NEURL1: variants seen among roughly 807,000 people sequenced by gnomAD.
NEURL1 encodes the protein E3 ubiquitin-protein ligase NEURL1.
NEURL1 carries 26 observed loss-of-function variants against 41.2 expected under a neutral mutation model. The ratio of observed to expected loss-of-function variants is 0.63; its 90% CI spans 0.46 to 0.87. NEURL1 has a LOEUF of 0.87. Ranked by LOEUF, NEURL1 falls within the 40% of genes least tolerant of loss-of-function variation. The probability of loss-of-function intolerance (pLI) is 0.00; values close to 1 mark genes in which losing one functional copy is unlikely to be tolerated. For missense variants in NEURL1, 761 were observed against 871.1 expected, an observed-to-expected ratio of 0.87 and a Z score of 1.59; for synonymous variants, 400 against 402.3, an observed-to-expected ratio of 0.99 and a Z score of 0.07.
intron 1 of NEURL1, among the ~76,000 whole-genome samples, chr10:103,554,375 G>A (rs1316019387): frequency 6.6e-6 from 1 of 152,246 alleles, no homozygotes; most frequent in African/African-American, 2.4e-5. Flanking sequence ...TGCGCTCAGT[G>A]GTGAATGCTC....
chr10:103,570,910 T>C lies in NEURL1; in HGVS notation c.124T>C (p.Cys42Arg). The C allele has an allele frequency of 1.2e-6, 2 of 1,613,766 alleles. No individual in the cohort carries two copies. The highest frequency in any genetic ancestry group is 8.5e-7 in the Non-Finnish European group (1 of 1,179,958). ...GGPFPVTSHR[C>R]HHKQKHCPAV... Reference sequence around the variant, plus strand: ...CCCCTTCCCCGTCACTTCTCACCGATGCCACCACAAGCAGAAGCACTGTCC... The same window carrying C: ...CCCCTTCCCCGTCACTTCTCACCGACGCCACCACAAGCAGAAGCACTGTCC... The change falls in exon 2 of 6, where the codon TGC (cysteine) becomes CGC (arginine). Residue 42 changes from cysteine (C) to arginine (R), a missense_variant. By Grantham distance (180) the Cys-to-Arg change is radical (BLOSUM62 -3). Around this residue, in one of 5 missense-constraint regions of NEURL1, gnomAD observed 94 missense variants for 96.6 expected, o/e 0.97. Coordinates refer to ENST00000369780, the MANE Select transcript of NEURL1 (RefSeq NM_004210.5).
chr10:103,500,062 C>T (rs2033787008), intron 1 of NEURL1, among the ~76,000 whole-genome samples: 1 of 152,200 alleles, frequency 6.6e-6, no homozygotes, highest in African/African-American at 2.4e-5. Flanking sequence ...CTCTCCACCC[C>T]CGGGAATGCA....
chr10:103,586,299 C>T (rs915259848), intron 4 of NEURL1, among the ~76,000 whole-genome samples: 1 of 152,132 alleles, frequency 6.6e-6, no homozygotes, highest in African/African-American at 2.4e-5. Flanking sequence ...AGCAGGTATT[C>T]ATGCTTTCCA....
chr10:103,580,543 C>G (rs1166044858), intron 3 of NEURL1, among the ~76,000 whole-genome samples: 1 of 152,216 alleles, frequency 6.6e-6, no homozygotes, highest in African/African-American at 2.4e-5. Context: ...TATCAGCTCA[C>G]TCAACTGTGA....
chr10:103,576,107 G>C (rs1315094513), intron 3 of NEURL1, among the ~76,000 whole-genome samples: 1 of 152,206 alleles, frequency 6.6e-6, no homozygotes, highest in Non-Finnish European at 1.5e-5. Context: ...TGTTTTCCCT[G>C]GGGGACACAT....
At chr10:103,571,957 C>G (rs921131557) in intron 3 of NEURL1, 135 bp downstream of exon 3, 2 of 884,146 alleles carry the variant, frequency 2.3e-6, no homozygotes, top group Non-Finnish European at 3.4e-6. Context: ...CGGGGCAGCC[C>G]TGGGAACCTT....
At position 103,564,971 on chromosome 10, in the gene NEURL1, C is replaced by T. The variant is rs146984785; in HGVS notation, c.86-5901C>T. On this transcript the variant is annotated intron_variant, in intron 1 of 5. Transcript: ENST00000369780. The stretch of plus-strand genomic sequence containing the variant: ...AGGCTGCACATTGGACACTCATAGT[C>T]CATGAGAACAGCGCCCCCTAGAGGA... Among the ~76,000 whole-genome samples the T allele has an allele frequency of 2.6e-4, 39 of 152,296 alleles. 2 individuals are homozygous for T. The East Asian group carries it at 7.4e-3, about 29-fold the overall frequency.
intron 1 of NEURL1, among the ~76,000 whole-genome samples, chr10:103,535,243 C>A (rs1358053259): frequency 6.6e-6 from 1 of 152,054 alleles, no homozygotes; most frequent in Non-Finnish European, 1.5e-5. Context: ...ACTTTACTCC[C>A]CAGGGAGAGG....
chr10:103,566,865 A>C lies in NEURL1; in HGVS notation c.86-4007A>C, dbSNP rs2035434625. On this transcript the variant is annotated intron_variant, in intron 1 of 5. Coordinates refer to ENST00000369780, the MANE Select transcript of NEURL1 (RefSeq NM_004210.5). This position sits in a 1 kb window ranked among gnomAD's most constrained non-coding sequence, Gnocchi z 4.2. ...TTACATTTCTGTGTTTTGGTGGCAT[A>C]CATATACATATATGTATCATAGAGA... 6.6e-6 allele frequency among the ~76,000 whole-genome samples: 1 copy of C among 152,206 alleles called. No individual in the cohort carries two copies. Among genetic ancestry groups the C allele is most frequent in the Admixed American group, 6.5e-5 (1 of 15,276 alleles).
At chr10:103,522,453 CAA>C (rs34864911) in intron 1 of NEURL1, among the ~76,000 whole-genome samples, 1 of 145,440 alleles carries the variant, frequency 6.9e-6, no homozygotes. Context: ...ACTAATAATA[CAA>C]AAAAAAAAAA....
intron 1 of NEURL1, among the ~76,000 whole-genome samples, chr10:103,509,706 A>G (rs1411921435): frequency 2.6e-5 from 4 of 152,148 alleles, no homozygotes; most frequent in Non-Finnish European, 4.4e-5. Flanking sequence ...TCCCTCCCCA[A>G]GATTCAGGAC....
intron 1 of NEURL1, among the ~76,000 whole-genome samples, chr10:103,503,788 CTT>C (rs56098530): frequency 1.4e-4 from 16 of 110,560 alleles, no homozygotes; most frequent in Admixed American, 3.3e-4. Context: ...CTCCCCCTGG[CTT>C]TTTTTTTTTT....
At chr10:103,575,771 A>C (rs886897668) in intron 3 of NEURL1, among the ~76,000 whole-genome samples, 2 of 151,596 alleles carry the variant, frequency 1.3e-5, no homozygotes, top group African/African-American at 4.8e-5. Context: ...GCCCTGGCCC[A>C]AGCCCAGGCT....
chr10:103,499,833 G>A (rs1362405669), intron 1 of NEURL1, among the ~76,000 whole-genome samples: 1 of 151,628 alleles, frequency 6.6e-6, no homozygotes, highest in Admixed American at 6.6e-5. Flanking sequence ...TGCCACAGCT[G>A]CCATCCTAAT....
At chr10:103,563,614 A>T (rs1025913640) in intron 1 of NEURL1, among the ~76,000 whole-genome samples, 1 of 152,162 alleles carries the variant, frequency 6.6e-6, no homozygotes, top group Non-Finnish European at 1.5e-5. Flanking sequence ...GATGAGGCAG[A>T]GGGAATGGCT....
intron 3 of NEURL1, among the ~76,000 whole-genome samples, chr10:103,579,984 A>C (rs2035751929): frequency 6.6e-6 from 1 of 152,058 alleles, no homozygotes; most frequent in Non-Finnish European, 1.5e-5. Flanking sequence ...TCCTGCCTTT[A>C]AGCCTTGCCC....
intron 1 of NEURL1, among the ~76,000 whole-genome samples, chr10:103,554,013 C>T (rs1375725885): frequency 6.6e-6 from 1 of 152,240 alleles, no homozygotes; most frequent in East Asian, 1.9e-4. Flanking sequence ...AGCTCCTTAG[C>T]CTCTCAGAAC....
At chr10:103,562,252 T>A (rs1219609100) in intron 1 of NEURL1, among the ~76,000 whole-genome samples, 4 of 152,186 alleles carry the variant, frequency 2.6e-5, no homozygotes, top group African/African-American at 9.6e-5. Context: ...GCGTGGTGGC[T>A]CGCGCCTGTA....
At chr10:103,559,432 C>G (rs1484132326) in intron 1 of NEURL1, among the ~76,000 whole-genome samples, 1 of 151,926 alleles carries the variant, frequency 6.6e-6, no homozygotes, top group Non-Finnish European at 1.5e-5. Context: ...GACAGAGGCC[C>G]TTGCCTGCTG....
Sources: gnomAD v4.1 joint callset for allele counts (sites outside exome capture counted in the v4.1 genomes callset) on GRCh38, gnomAD v4.1.1 for gene constraint, gnomAD v4.1.1 regional missense constraint, Gnocchi (gnomAD v3.1) non-coding constraint, MANE v1.5 for transcripts, NCBI Gene and HGNC (gene_info 2026-07-23, HGNC 2026-07-21) for gene names.